Variants in CCL2 observed in about 807,000 individuals in gnomAD.
CCL2 encodes C-C motif chemokine 2.
In CCL2, 2 loss-of-function variants were observed where a neutral mutation model predicts 6.7. The observed-to-expected ratio is 0.30, with a 90% CI of 0.12 to 0.94. The LOEUF is 0.94. Ranked by LOEUF, CCL2 falls within the 40% of genes least tolerant of loss-of-function variation. The probability of loss-of-function intolerance (pLI) is 0.54; values close to 1 mark genes in which losing one functional copy is unlikely to be tolerated. For missense variants in CCL2, 89 were observed against 119.3 expected (o/e 0.75, Z 1.18); for synonymous variants, 43 against 45.2 (o/e 0.95, Z 0.19).
At position 34,255,403 on chromosome 17, in the gene CCL2, TC is replaced by T. The variant is rs774898999; in HGVS notation, c.58del (p.Gln20LysfsTer45). 6.2e-7 allele frequency: 1 copy of T among 1,613,766 alleles called. No individual in the cohort carries two copies. Among genetic ancestry groups the T allele is most frequent in the African/African-American group, 1.3e-5 (1 of 74,848 alleles). ...CLLLIAATFI[P>X]QGLAQPDAIN... Reference sequence around the variant, plus strand: ...TGCTGCTCATAGCAGCCACCTTCATTCCCCAAGGGCTCGCTCAGCCAGGTAA... The same window carrying T: ...TGCTGCTCATAGCAGCCACCTTCATTCCCAAGGGCTCGCTCAGCCAGGTAA... On this transcript the variant is annotated frameshift_variant, in exon 1 of 3. Transcript: ENST00000225831. LOFTEE classifies it high-confidence loss of function.
intron 1 of CCL2, 184 bp downstream of exon 1, chr17:34,255,609 A>T: frequency 1.8e-6 from 1 of 559,926 alleles, no homozygotes; most frequent in East Asian, 3.1e-5. Context: ...CTGAACTAGA[A>T]TTCCAGCTGT....
intron 1 of CCL2, 193 bp from the exon 2 acceptor site, chr17:34,256,029 G>A (rs1907674677): frequency 3.6e-6 from 2 of 548,834 alleles, no homozygotes; most frequent in Non-Finnish European, 6.5e-6. Flanking sequence ...CCATTTTACA[G>A]CATAGGAAAC....
chr17:34,255,575 C>A, intron 1 of CCL2, 150 bp downstream of exon 1: 1 of 611,566 alleles, frequency 1.6e-6, no homozygotes, highest in Non-Finnish European at 2.8e-6. Context: ...TGAGCCCAAC[C>A]ACACAGCTGC....
At chr17:34,255,956 T>C (rs1185978903) in intron 1 of CCL2, 1 of 409,076 alleles carries the variant, frequency 2.4e-6, no homozygotes, top group Non-Finnish European at 4.4e-6. Context: ...TTAATGACAC[T>C]TGTAGGCATT....
intron 1 of CCL2, chr17:34,255,958 G>A: frequency 7.3e-6 from 3 of 410,578 alleles, no homozygotes; most frequent in Non-Finnish European, 1.3e-5. Flanking sequence ...AATGACACTT[G>A]TAGGCATTAT....
At position 34,256,907 on chromosome 17, in the gene CCL2, A is replaced by C; in HGVS notation, c.*80A>C. On this transcript the variant is annotated 3_prime_UTR_variant, in exon 3 of 3. Transcript: ENST00000225831. ...CCCAGACACCCTGTTTTATTTTATT[A>C]TAATGAATTTTGTTTGTTGATGTGA... The C allele has an allele frequency of 1.3e-6, 1 of 795,612 alleles. No individual in the cohort carries two copies. The highest frequency in any genetic ancestry group is 2.1e-6 in the Non-Finnish European group (1 of 485,704). The allele number at this position is 795,612 out of a possible 1,614,324, so 49.3% of individuals were successfully genotyped here.
At chr17:34,256,113 G>C (rs2857657) in intron 1 of CCL2, 109 bp from the exon 2 acceptor site, 599,539 of 715,820 alleles carry the variant, frequency 0.84, 252,363 homozygotes, top group African/African-American at 0.96. Flanking sequence ...TGAGCTCTTT[G>C]TCTTCTCCTG....
chr17:34,256,749 C>A lies in CCL2; in HGVS notation c.222C>A (p.Ile74=). ...TCAAGACCATTGTGGCCAAGGAGAT[C>A]TGTGCTGACCCCAAGCAGAAGTGGG... ...VIFKTIVAKE[I]CADPKQKWVQ... Residue 74 remains isoleucine (I), a synonymous_variant, in exon 3 of 3, where the codon ATC becomes ATA. Coordinates refer to ENST00000225831, the MANE Select transcript of CCL2 (RefSeq NM_002982.4). 1 of 1,613,510 alleles carries A rather than the reference C, an allele frequency of 6.2e-7. No individual in the cohort carries two copies. Among genetic ancestry groups the A allele is most frequent in the Non-Finnish European group, 8.5e-7 (1 of 1,179,622 alleles).
chr17:34,255,454 C>T (rs199715657), intron 1 of CCL2, 29 bp downstream of exon 1: 3 of 1,572,410 alleles, frequency 1.9e-6, no homozygotes, highest in East Asian at 4.5e-5. Flanking sequence ...CTCCTTGAAC[C>T]ACATTGTCTT....
At position 34,255,396 on chromosome 17, in the gene CCL2, C is replaced by A; in HGVS notation, c.47C>A (p.Thr16Asn). 1.2e-6 allele frequency: 2 copies of A among 1,613,958 alleles called. No individual in the cohort carries two copies. Among genetic ancestry groups the A allele is most frequent in the Non-Finnish European group, 1.7e-6 (2 of 1,179,908 alleles). ...ALLCLLLIAA[T>N]FIPQGLAQPD... ...CTGTGCCTGCTGCTCATAGCAGCCACCTTCATTCCCCAAGGGCTCGCTCAG... is the reference window on the plus strand; with the variant it reads ...CTGTGCCTGCTGCTCATAGCAGCCAACTTCATTCCCCAAGGGCTCGCTCAG... The change falls in exon 1 of 3, where the codon ACC becomes AAC. Residue 16 changes from threonine to asparagine, a missense_variant. Transcript: ENST00000225831.
intron 1 of CCL2, chr17:34,255,910 T>G (rs1404068810): frequency 3.3e-6 from 1 of 298,804 alleles, no homozygotes; most frequent in Non-Finnish European, 6.2e-6. Context: ...CCAGCTGATC[T>G]TCCCTGGTGC....
Position 34,256,883 on chromosome 17 carries a change from C to G in CCL2, c.*56C>G, listed in dbSNP as rs1907705219. 1.4e-5 allele frequency: 15 copies of G among 1,069,994 alleles called. No individual in the cohort carries two copies. In the Admixed American group the frequency reaches 2.8e-4, roughly 20 times the overall value. The allele number at this position is 1,069,994 out of a possible 1,614,324, so 66.3% of individuals were successfully genotyped here. ...CTAACTTATTTTCCCCTAGCTTTCC[C>G]CAGACACCCTGTTTTATTTTATTAT... is the stretch of plus-strand genomic sequence containing the variant. On this transcript the variant is annotated 3_prime_UTR_variant, in exon 3 of 3. Coordinates refer to ENST00000225831, the MANE Select transcript of CCL2 (RefSeq NM_002982.4).
chr17:34,256,424 G>C, intron 2 of CCL2, 85 bp downstream of exon 2: 1 of 919,674 alleles, frequency 1.1e-6, no homozygotes, highest in Non-Finnish European at 1.8e-6. Context: ...GAGTCAGAGA[G>C]TGCACTATTT....
Position 34,256,914 on chromosome 17 carries a change from A to T in CCL2, c.*87A>T. The T allele has an allele frequency of 1.3e-6, 1 of 750,828 alleles. No homozygotes were observed. Among genetic ancestry groups the T allele is most frequent in the Admixed American group, 2.6e-5 (1 of 38,012 alleles). 46.5% of individuals were successfully genotyped at this position (750,828 alleles called of 1,614,324 possible). Reference sequence around the variant, plus strand: ...ACCCTGTTTTATTTTATTATAATGAATTTTGTTTGTTGATGTGAAACATTA... The same window carrying T: ...ACCCTGTTTTATTTTATTATAATGATTTTTGTTTGTTGATGTGAAACATTA... On this transcript the variant is annotated 3_prime_UTR_variant, in exon 3 of 3. Coordinates refer to ENST00000225831, the MANE Select transcript of CCL2 (RefSeq NM_002982.4).
At chr17:34,256,165 A>G in intron 1 of CCL2, 57 bp from the exon 2 acceptor site, 1 of 1,191,276 alleles carries the variant, frequency 8.4e-7, no homozygotes, top group Non-Finnish European at 1.2e-6. Flanking sequence ...TCTGCTCTTA[A>G]GATCAGAATA....
chr17:34,255,624 C>A, intron 1 of CCL2, 199 bp downstream of exon 1: 1 of 550,410 alleles, frequency 1.8e-6, no homozygotes, highest in Non-Finnish European at 3.2e-6. Context: ...AGCTGTGAAC[C>A]CCAAATCCAG....
rs375842964 is a variant in CCL2, at chr17:34,256,171, G to C, written c.77-51G>C. On this transcript the variant is annotated intron_variant, in intron 1 of 2. Transcript: ENST00000225831. Reference sequence around the variant, plus strand: ...TGACTCTTTTCTGCTCTTAAGATCAGAATAATCCAGTTCATCCTAAAATGC... The same window carrying C: ...TGACTCTTTTCTGCTCTTAAGATCACAATAATCCAGTTCATCCTAAAATGC... 43 of 1,259,592 alleles carry C rather than the reference G, an allele frequency of 3.4e-5. No homozygotes were observed. The Admixed American group carries it at 7.2e-4, about 21-fold the overall frequency. The allele number at this position is 1,259,592 out of a possible 1,614,324, so 78.0% of individuals were successfully genotyped here.
rs528328195 is a variant in CCL2 at position 34,257,096 on chromosome 17, C to A, written c.*269C>A. The stretch of plus-strand genomic sequence containing the variant: ...ATGTTTTGAGGGTCTTTGCAAGAAT[C>A]ATTAATACAAAGAATTTTTTTTAAC... On this transcript the variant is annotated 3_prime_UTR_variant, in exon 3 of 3. Transcript: ENST00000225831. The A allele has an allele frequency of 8.9e-5, 24 of 268,958 alleles. No individual in the cohort carries two copies. Among genetic ancestry groups the A allele is most frequent in the African/African-American group, 5.3e-4 (24 of 45,604 alleles). The allele number at this position is 268,958 out of a possible 1,614,324, so 16.7% of individuals were successfully genotyped here. A position where few individuals can be genotyped will look rare whatever the true frequency, so the allele number is the denominator to read the frequency against.
At chr17:34,256,040 T>C (rs1013566545) in intron 1 of CCL2, 182 bp from the exon 2 acceptor site, 1 of 564,100 alleles carries the variant, frequency 1.8e-6, no homozygotes, top group African/African-American at 1.9e-5. Context: ...CATAGGAAAC[T>C]GAGTCATTGG....
Sources: gnomAD v4.1 joint callset for allele counts on GRCh38, gnomAD v4.1.1 for gene constraint, MANE v1.5 for transcripts, NCBI Gene and HGNC (gene_info 2026-07-23, HGNC 2026-07-21) for gene names.